PAX5: variants seen among roughly 807,000 people sequenced by gnomAD.
The protein encoded by PAX5 is paired box protein Pax-5.
A neutral mutation model predicts 43.7 loss-of-function variants in PAX5; 9 were observed. That is an observed-to-expected ratio of 0.21 (90% CI 0.12 to 0.36). The LOEUF is 0.36. PAX5 is among the 10% of genes least tolerant of loss of function. PAX5 has a pLI of 1.00. For missense variants in PAX5, 383 were observed against 532.7 expected (o/e 0.72, Z 2.77); for synonymous variants, 228 against 214.3 (o/e 1.06, Z -0.56).
chr9:36,925,886 T>C (rs1248652598), intron 6 of PAX5, among the ~76,000 whole-genome samples: 1 of 152,132 alleles, frequency 6.6e-6, no homozygotes. Context: ...ATAACCACCA[T>C]TCCCCAGGAA....
intron 6 of PAX5, among the ~76,000 whole-genome samples, chr9:36,957,886 C>T (rs1833622228): frequency 6.6e-6 from 1 of 152,140 alleles, no homozygotes; most frequent in Non-Finnish European, 1.5e-5. Flanking sequence ...TGAGCTGATG[C>T]AGTTGATGGT....
At chr9:36,922,964 C>T (rs1431844144) in intron 7 of PAX5, 1 of 185,516 alleles carries the variant, frequency 5.4e-6, no homozygotes, top group African/African-American at 2.3e-5. Flanking sequence ...CTGCCAACAT[C>T]AATCTGCAAG....
chr9:36,966,633 C>T lies in PAX5; in HGVS notation c.696G>A (p.Gln232=). 3.7e-6 allele frequency: 6 copies of T among 1,614,272 alleles called. No individual in the cohort carries two copies. The East Asian group carries it at 1.3e-4, about 36-fold the overall frequency. Residue 232 remains glutamine, a synonymous_variant, in exon 6 of 10, where the codon CAG becomes CAA. Transcript: ENST00000358127. ...ACACGCGGTCCAGCACCTCCAGCTGCTGCTGTGTGAACAAGTCTCCCCGCA... is the reference window on the plus strand; with the variant it reads ...ACACGCGGTCCAGCACCTCCAGCTGTTGCTGTGTGAACAAGTCTCCCCGCA... ...KQMRGDLFTQ[Q]QLEVLDRVFE...
intron 8 of PAX5, among the ~76,000 whole-genome samples, chr9:36,875,768 T>C (rs1222610654): frequency 6.6e-6 from 1 of 152,036 alleles, no homozygotes; most frequent in Non-Finnish European, 1.5e-5. Flanking sequence ...CATCGCCAGT[T>C]TCGACAAGGA....
intron 8 of PAX5, among the ~76,000 whole-genome samples, chr9:36,850,567 C>T (rs1823060643): frequency 6.6e-6 from 1 of 152,202 alleles, no homozygotes; most frequent in Non-Finnish European, 1.5e-5. Flanking sequence ...ACACCACGGG[C>T]CCTTCGCCTC....
intron 6 of PAX5, among the ~76,000 whole-genome samples, chr9:36,943,667 T>C (rs752943984): frequency 2.0e-5 from 3 of 151,940 alleles, no homozygotes; most frequent in Non-Finnish European, 4.4e-5. Context: ...ATTTTTGTAA[T>C]AAAATCAGAA....
chr9:36,992,124 A>ACC (rs35269388), intron 5 of PAX5, among the ~76,000 whole-genome samples: 37 of 104,260 alleles, frequency 3.5e-4, no homozygotes, highest in Non-Finnish European at 3.9e-4. Context: ...CCTCGCCCCC[A>ACC]CCCCCCAACC....
chr9:37,006,396 C>T, intron 4 of PAX5, 77 bp downstream of exon 4: 6 of 1,072,514 alleles, frequency 5.6e-6, no homozygotes, highest in South Asian at 1.3e-5. Context: ...ATTATCTGTC[C>T]ATAAGAATGA....
rs954518241 is a variant in PAX5 at position 36,839,222 on chromosome 9, C to A, written c.*1338G>T. On this transcript the variant is annotated 3_prime_UTR_variant, in exon 10 of 10. Transcript: ENST00000358127. ...TCCTCTGTCCCCCAGATCTTCCCTGCTGGCTTCCTCTGACCACCCTAGCCC... is the reference window on the plus strand; with the variant it reads ...TCCTCTGTCCCCCAGATCTTCCCTGATGGCTTCCTCTGACCACCCTAGCCC... 8.1e-5 allele frequency: 19 copies of A among 233,568 alleles called. No individual in the cohort carries two copies. Among genetic ancestry groups the A allele is most frequent in the Non-Finnish European group, 1.3e-4 (15 of 118,284 alleles). 14.5% of individuals were successfully genotyped at this position (233,568 alleles called of 1,614,324 possible).
rs560076767 is a variant in PAX5, at chr9:36,954,537, C to T, written c.780+12012G>A. Among the ~76,000 whole-genome samples, 27 of 152,234 alleles carry T rather than the reference C, an allele frequency of 1.8e-4. No homozygotes were observed. The South Asian group carries it at 5.0e-3, about 28-fold the overall frequency. The stretch of plus-strand genomic sequence containing the variant: ...GTAATTATTACTATCTCTTAACACT[C>T]GAAGATATTTTCTGTTGTCTTCTGA... On this transcript the variant is annotated intron_variant, in intron 6 of 9. Transcript: ENST00000358127.
chr9:36,936,392 G>A (rs3824342), intron 6 of PAX5, among the ~76,000 whole-genome samples: 35,304 of 152,172 alleles, frequency 0.23, 4,896 homozygotes, highest in Non-Finnish European at 0.33. Flanking sequence ...AAAGTTCCAG[G>A]GACAAAGCTC....
intron 5 of PAX5, among the ~76,000 whole-genome samples, chr9:36,976,359 A>G (rs1456871858): frequency 6.6e-6 from 1 of 152,168 alleles, no homozygotes; most frequent in South Asian, 2.1e-4. Flanking sequence ...TCCAGAGATG[A>G]CTAACAACAG....
intron 2 of PAX5, among the ~76,000 whole-genome samples, chr9:37,017,214 A>C (rs988622346): frequency 1.3e-5 from 2 of 152,184 alleles, no homozygotes; most frequent in Non-Finnish European, 2.9e-5. Context: ...CAGCACCCTA[A>C]AGTTTACAGA....
chr9:36,992,247 CTCAAA>C (rs1837007956), intron 5 of PAX5, among the ~76,000 whole-genome samples: 1 of 151,748 alleles, frequency 6.6e-6, no homozygotes, highest in Admixed American at 6.6e-5. Context: ...CCTGCTTTTC[CTCAAA>C]TGCCAGGAGT....
At chr9:37,010,558 T>G (rs1838835738) in intron 3 of PAX5, among the ~76,000 whole-genome samples, 1 of 152,094 alleles carries the variant, frequency 6.6e-6, no homozygotes, top group African/African-American at 2.4e-5. Context: ...CATTTAAGGA[T>G]CCCATGGAAA....
chr9:37,028,641 G>A (rs1564094918), intron 1 of PAX5, among the ~76,000 whole-genome samples: 1 of 152,174 alleles, frequency 6.6e-6, no homozygotes, highest in Non-Finnish European at 1.5e-5. Flanking sequence ...TTCCGCACCC[G>A]GCTCAAGGCT....
In PAX5 at chr9:37,015,256, A is replaced by G; in HGVS notation, c.213-62T>C. 6.9e-7 allele frequency: 1 copy of G among 1,442,604 alleles called. No individual in the cohort carries two copies. The allele number at this position is 1,442,604 out of a possible 1,614,324, so 89.4% of individuals were successfully genotyped here. On this transcript the variant is annotated intron_variant, in intron 2 of 9. Coordinates refer to ENST00000358127, the MANE Select transcript of PAX5 (RefSeq NM_016734.3). This position sits in a 1 kb window ranked among gnomAD's most constrained non-coding sequence, Gnocchi z 4.4. ...ACCAGTAAAGTGGATATTGGCAACA[A>G]AATAACGGGCTACTCTGGCCAGGAA... is the stretch of plus-strand genomic sequence containing the variant.
At chr9:36,854,430 CACACACACAT>C (rs372865309) in intron 8 of PAX5, among the ~76,000 whole-genome samples, 119 of 152,156 alleles carry the variant, frequency 7.8e-4, no homozygotes, top group African/African-American at 2.9e-3. Context: ...TGGATGTGTA[CACACACACAT>C]ACACACACAC....
chr9:36,958,333 CT>C (rs1194257076), intron 6 of PAX5, among the ~76,000 whole-genome samples: 2 of 152,132 alleles, frequency 1.3e-5, no homozygotes, highest in Non-Finnish European at 2.9e-5. Context: ...GAACTGGACT[CT>C]CCTCCACTGG....
Sources: allele counts gnomAD v4.1 joint callset (sites outside exome capture counted in the v4.1 genomes callset), GRCh38; gene constraint gnomAD v4.1.1; non-coding constraint Gnocchi (gnomAD v3.1); transcripts MANE v1.5; gene names NCBI Gene and HGNC (gene_info 2026-07-23, HGNC 2026-07-21).